Variants in CAMLG observed in about 807,000 individuals in gnomAD.
CAMLG encodes the protein guided entry of tail-anchored proteins factor CAMLG.
In CAMLG, 23 loss-of-function variants were observed where a neutral mutation model predicts 28.9. The observed-to-expected ratio is 0.80, with a 90% CI of 0.57 to 1.13. The LOEUF (loss-of-function observed/expected upper bound fraction) is 1.13, where lower values mean the gene tolerates loss of function less well. Ranked by LOEUF, CAMLG falls within the 50% of genes most tolerant of loss-of-function variation. CAMLG has a pLI of 0.00. For missense variants in CAMLG, 367 were observed against 371.9 expected, an observed-to-expected ratio of 0.99 and a Z score of 0.11; for synonymous variants, 141 against 146.5, an observed-to-expected ratio of 0.96 and a Z score of 0.27.
At chr5:134,739,235 T>G (rs1037523266) in intron 1 of CAMLG, among the ~76,000 whole-genome samples, 3 of 152,190 alleles carry the variant, frequency 2.0e-5, no homozygotes, top group African/African-American at 7.2e-5. Context: ...CCTTTTGCTG[T>G]GTAACTCCTG....
chr5:134,749,174 TCTC>T (rs1267895360), intron 3 of CAMLG, among the ~76,000 whole-genome samples: 1 of 151,986 alleles, frequency 6.6e-6, no homozygotes, highest in Non-Finnish European at 1.5e-5. Flanking sequence ...TTCAAGCAAT[TCTC>T]CTGCCTCAGG....
chr5:134,741,403 T>TG lies in CAMLG; in HGVS notation c.514dup (p.Glu172GlyfsTer15). On this transcript the variant is annotated frameshift_variant, in exon 2 of 4. Transcript: ENST00000297156. LOFTEE classifies it high-confidence loss of function. ...TGAAGCTAAGGAAACAGCTGATTAG[T>TG]GAAAAACCCAGTCAAGAGGATGGAA... is the stretch of plus-strand genomic sequence containing the variant. 1 of 1,614,084 alleles carries TG rather than the reference T, an allele frequency of 6.2e-7. No homozygotes were observed. Among genetic ancestry groups the TG allele is most frequent in the East Asian group, 2.2e-5 (1 of 44,890 alleles).
Position 134,742,543 on chromosome 5 carries a change from TATATC to T in CAMLG, c.633+1024_633+1028del, listed in dbSNP as rs1269586120. Among the ~76,000 whole-genome samples the T allele has an allele frequency of 9.2e-5, 14 of 152,220 alleles. No individual in the cohort carries two copies. In the East Asian group the frequency reaches 2.3e-3, roughly 25 times the overall value. ...CAGAAGACATTTCAGCATTTCCTAA[TATATC>T]ATAATGAGTCCATTTTGGTTGTACC... On this transcript the variant is annotated intron_variant, in intron 2 of 3. Transcript: ENST00000297156.
chr5:134,746,137 CAAAAA>C (rs1156938843), intron 3 of CAMLG, among the ~76,000 whole-genome samples: 3 of 77,136 alleles, frequency 3.9e-5, no homozygotes, highest in African/African-American at 1.7e-4. Flanking sequence ...AACTCCATCT[CAAAAA>C]AAAAAAAAAA....
intron 3 of CAMLG, among the ~76,000 whole-genome samples, chr5:134,748,728 C>T (rs895991699): frequency 6.6e-6 from 1 of 152,132 alleles, no homozygotes; most frequent in African/African-American, 2.4e-5. Context: ...AGTCCCAGTC[C>T]CTATACCCCA....
chr5:134,750,485 C>T (rs926091290), intron 3 of CAMLG, among the ~76,000 whole-genome samples: 1 of 151,938 alleles, frequency 6.6e-6, no homozygotes, highest in African/African-American at 2.4e-5. Context: ...TTGCAGTGAG[C>T]CGAGATCGTG....
At chr5:134,739,897 A>G (rs1752962872) in intron 1 of CAMLG, among the ~76,000 whole-genome samples, 1 of 151,974 alleles carries the variant, frequency 6.6e-6, no homozygotes, top group Admixed American at 6.6e-5. Context: ...ATTTTTTGAG[A>G]CAGGGTCTCC....
intron 3 of CAMLG, among the ~76,000 whole-genome samples, chr5:134,745,789 G>A (rs1753040536): frequency 6.6e-6 from 1 of 150,530 alleles, no homozygotes; most frequent in Non-Finnish European, 1.5e-5. Context: ...AACATTGATT[G>A]TAGTTTTGCA....
chr5:134,744,266 G>A (rs1272497845), intron 3 of CAMLG, among the ~76,000 whole-genome samples: 1 of 152,162 alleles, frequency 6.6e-6, no homozygotes, highest in African/African-American at 2.4e-5. Context: ...GCTCACGCCT[G>A]TAATCCCCAC....
rs1753111854 is a variant in CAMLG, at chr5:134,751,319, T to TTG, written c.*373_*374dup. ...CAGCCCTAGAGACTGCTTCTTGTGT[T>TTG]TGTGTCATTCTGTCCTGAGAAATGA... On this transcript the variant is annotated 3_prime_UTR_variant, in exon 4 of 4. Transcript: ENST00000297156. 1 of 167,202 alleles carries TTG rather than the reference T, an allele frequency of 6.0e-6. No individual in the cohort carries two copies. Among genetic ancestry groups the TTG allele is most frequent in the Admixed American group, 5.9e-5 (1 of 16,814 alleles). 10.4% of individuals were successfully genotyped at this position (167,202 alleles called of 1,614,324 possible). A position where few individuals can be genotyped will look rare whatever the true frequency, so the allele number is the denominator to read the frequency against.
intron 3 of CAMLG, among the ~76,000 whole-genome samples, chr5:134,744,820 A>G (rs553977631): frequency 1.2e-4 from 18 of 152,332 alleles, no homozygotes; most frequent in Middle Eastern, 3.4e-3. Context: ...TATTTGCAAT[A>G]AATATTTGGC....
Position 134,750,759 on chromosome 5 carries a change from A to T in CAMLG, c.700A>T (p.Ser234Cys), listed in dbSNP as rs753199494. 2.5e-6 allele frequency: 4 copies of T among 1,606,318 alleles called. No individual in the cohort carries two copies. In the East Asian group the frequency reaches 8.9e-5, roughly 36 times the overall value. The change falls in exon 4 of 4, where the codon AGT becomes TGT. Residue 234 changes from serine to cysteine, a missense_variant and splice_region_variant. Transcript: ENST00000297156. ...TTAATTTGAGTCTTTCTCTACACAG[A>T]GTGAAAAGAAGATAAAGACAACAGT... is the stretch of plus-strand genomic sequence containing the variant. ...YMGLYKYFPK[S>C]EKKIKTTVLT...
intron 2 of CAMLG, among the ~76,000 whole-genome samples, chr5:134,742,898 A>C (rs1753001319): frequency 6.6e-6 from 1 of 151,954 alleles, no homozygotes; most frequent in Non-Finnish European, 1.5e-5. Flanking sequence ...GCCAACACGC[A>C]CGGCTAATTT....
At chr5:134,741,005 T>C in intron 1 of CAMLG, 58 bp from the exon 2 acceptor site, 1 of 1,127,408 alleles carries the variant, frequency 8.9e-7, no homozygotes, top group Non-Finnish European at 1.3e-6. Flanking sequence ...AACATAAACA[T>C]GTAAGGTGTT....
At chr5:134,742,800 G>T (rs1753000245) in intron 2 of CAMLG, among the ~76,000 whole-genome samples, 1 of 151,786 alleles carries the variant, frequency 6.6e-6, no homozygotes, top group Non-Finnish European at 1.5e-5. Context: ...GTGCAGTGAT[G>T]TGATCTTGGC....
chr5:134,741,771 C>G (rs1446633374), intron 2 of CAMLG, among the ~76,000 whole-genome samples: 1 of 152,142 alleles, frequency 6.6e-6, no homozygotes, highest in Non-Finnish European at 1.5e-5. Context: ...TGGATTCAAC[C>G]AATTGTGGAT....
chr5:134,740,257 A>G (rs865980362), intron 1 of CAMLG, among the ~76,000 whole-genome samples: 20 of 152,128 alleles, frequency 1.3e-4, no homozygotes, highest in African/African-American at 4.8e-4. Flanking sequence ...TGAAGTGCCT[A>G]CTAATGGCTG....
chr5:134,740,545 T>C (rs1242859407), intron 1 of CAMLG, among the ~76,000 whole-genome samples: 1 of 152,216 alleles, frequency 6.6e-6, no homozygotes, highest in Non-Finnish European at 1.5e-5. Context: ...CTCTGCAGAA[T>C]ATTCATTTTG....
At chr5:134,749,649 C>T (rs1189422911) in intron 3 of CAMLG, among the ~76,000 whole-genome samples, 1 of 152,202 alleles carries the variant, frequency 6.6e-6, no homozygotes, top group African/African-American at 2.4e-5. Flanking sequence ...CTAACTTGTC[C>T]TGAGACTTAA....
Sources: allele counts gnomAD v4.1 joint callset (sites outside exome capture counted in the v4.1 genomes callset), GRCh38; gene constraint gnomAD v4.1.1; transcripts MANE v1.5; gene names NCBI Gene and HGNC (gene_info 2026-07-23, HGNC 2026-07-21).